Variants in MTCL3 observed in about 807,000 individuals in gnomAD.
MTCL3 encodes the protein microtubule cross-linking factor 3.
chr6:127,517,802 C>T, the MTCL3 span: 1 of 152,152 alleles, frequency 6.6e-6, no homozygotes, highest in Admixed American at 6.5e-5. Context: ...ATGGGTTCCT[C>T]TCCCTAGGGA....
chr6:127,507,988 AC>A, the MTCL3 span, among the ~76,000 whole-genome samples: 20 of 152,000 alleles, frequency 1.3e-4, no homozygotes, highest in African/African-American at 4.6e-4. Context: ...ATGTTATTCG[AC>A]AAACTATTGG....
chr6:127,513,110 T>C, the MTCL3 span: 3 of 1,439,038 alleles, frequency 2.1e-6, no homozygotes, highest in African/African-American at 2.9e-5. Context: ...AGGGCTAAAA[T>C]TGTATTCCTA....
At chr6:127,516,778 T>C in the MTCL3 span, 1 of 1,225,104 alleles carries the variant, frequency 8.2e-7, no homozygotes, top group Non-Finnish European at 1.1e-6. Context: ...ATTGCTCCAT[T>C]TGGATGGCGC....
the MTCL3 span, chr6:127,475,779 G>A: frequency 6.2e-7 from 1 of 1,610,006 alleles, no homozygotes; most frequent in Non-Finnish European, 8.5e-7. The surrounding 1 kb of genome is among the most constrained non-coding windows in gnomAD (Gnocchi z 7.3). Context: ...CGTCGCTGTC[G>A]CGGGGGCTGC....
At chr6:127,473,823 C>T in the MTCL3 span, among the ~76,000 whole-genome samples, 2 of 152,180 alleles carry the variant, frequency 1.3e-5, no homozygotes, top group Non-Finnish European at 2.9e-5. Context: ...CCAATGGATA[C>T]AGGACACCAG....
At chr6:127,484,776 T>C in the MTCL3 span, among the ~76,000 whole-genome samples, 2 of 152,212 alleles carry the variant, frequency 1.3e-5, no homozygotes, top group Admixed American at 6.5e-5. Context: ...TTAACTGTCA[T>C]TGAGCCCTAA....
chr6:127,485,680 G>C, the MTCL3 span, among the ~76,000 whole-genome samples: 1 of 152,104 alleles, frequency 6.6e-6, no homozygotes. Flanking sequence ...TGGTCTATAT[G>C]TGGTACTGTA....
At chr6:127,476,985 C>A in the MTCL3 span, among the ~76,000 whole-genome samples, 1 of 152,076 alleles carries the variant, frequency 6.6e-6, no homozygotes, top group African/African-American at 2.4e-5. The surrounding 1 kb of genome is among the most constrained non-coding windows in gnomAD (Gnocchi z 4.4). Context: ...AGTAACCGTT[C>A]GAAGGTTACA....
the MTCL3 span, among the ~76,000 whole-genome samples, chr6:127,492,418 G>C: frequency 2.0e-5 from 3 of 152,130 alleles, no homozygotes; most frequent in Non-Finnish European, 4.4e-5. Context: ...AATGTAAAAG[G>C]CTAAGAGGAA....
At chr6:127,501,747 G>A in the MTCL3 span, among the ~76,000 whole-genome samples, 1 of 152,104 alleles carries the variant, frequency 6.6e-6, no homozygotes, top group East Asian at 1.9e-4. Context: ...AAAATGTTAG[G>A]AAAGGCTAAA....
chr6:127,514,783 C>A, the MTCL3 span: 1 of 1,564,594 alleles, frequency 6.4e-7, no homozygotes, highest in Non-Finnish European at 8.7e-7. Flanking sequence ...TCCCCACCCA[C>A]CGCCCCTGCC....
the MTCL3 span, among the ~76,000 whole-genome samples, chr6:127,511,867 T>C: frequency 0.77 from 116,782 of 152,062 alleles, 45,324 homozygotes; most frequent in Non-Finnish European, 0.82. Flanking sequence ...GTTATTTGCA[T>C]TATATTTTTG....
At chr6:127,477,940 C>G in the MTCL3 span, among the ~76,000 whole-genome samples, 4 of 151,840 alleles carry the variant, frequency 2.6e-5, no homozygotes, top group African/African-American at 9.7e-5. Flanking sequence ...CATGCTGCCT[C>G]TAGAAAAGAA....
the MTCL3 span, among the ~76,000 whole-genome samples, chr6:127,513,918 A>C: frequency 1.3e-5 from 2 of 152,252 alleles, no homozygotes; most frequent in Non-Finnish European, 2.9e-5. Flanking sequence ...TGCTTAGTAC[A>C]TACTAAGCAC....
the MTCL3 span, among the ~76,000 whole-genome samples, chr6:127,487,364 A>G: frequency 6.6e-6 from 1 of 152,156 alleles, no homozygotes; most frequent in African/African-American, 2.4e-5. Flanking sequence ...TAATATTTTC[A>G]ACACAGGGAT....
chr6:127,507,381 T>C, the MTCL3 span, among the ~76,000 whole-genome samples: 1 of 152,178 alleles, frequency 6.6e-6, no homozygotes, highest in African/African-American at 2.4e-5. Flanking sequence ...ATTTGAAATT[T>C]ATAATAAAAG....
At chr6:127,498,330 G>GATGAA in the MTCL3 span, among the ~76,000 whole-genome samples, 1 of 152,116 alleles carries the variant, frequency 6.6e-6, no homozygotes, top group African/African-American at 2.4e-5. Context: ...ACAATAAGCA[G>GATGAA]ATGAAAAGAT....
At chr6:127,481,406 TC>T in the MTCL3 span, 1 of 985,362 alleles carries the variant, frequency 1.0e-6, no homozygotes, top group Non-Finnish European at 1.2e-6. Flanking sequence ...AAAAATGATA[TC>T]ATGGTCTTGG....
the MTCL3 span, among the ~76,000 whole-genome samples, chr6:127,500,192 T>C: frequency 0.071 from 10,789 of 152,202 alleles, 1,334 homozygotes; most frequent in African/African-American, 0.24. Flanking sequence ...AAAATATCCA[T>C]AAATACGTAG....
Sources: allele counts gnomAD v4.1 joint callset (sites outside exome capture counted in the v4.1 genomes callset), GRCh38; gene constraint gnomAD v4.1.1; non-coding constraint Gnocchi (gnomAD v3.1); transcripts MANE v1.5; gene names NCBI Gene and HGNC (gene_info 2026-07-23, HGNC 2026-07-21).